The following FBXL7 variants were observed in gnomAD, a reference collection of about 807,000 sequenced individuals.
The protein encoded by FBXL7 is F-box and leucine rich repeat protein 7.
A neutral mutation model predicts 38.3 loss-of-function variants in FBXL7; 12 were observed. The ratio of observed to expected loss-of-function variants is 0.31; its 90% CI spans 0.20 to 0.51. The LOEUF (loss-of-function observed/expected upper bound fraction) is 0.51. FBXL7 is among the 20% of genes least tolerant of loss of function. The probability of loss-of-function intolerance (pLI) is 0.98; values close to 1 mark genes in which losing one functional copy is unlikely to be tolerated. For missense variants in FBXL7, 567 were observed against 676.4 expected (o/e 0.84, Z 1.79); for synonymous variants, 297 against 300.9 (o/e 0.99, Z 0.13).
At chr5:15,901,809 A>G (rs545071399) in intron 2 of FBXL7, among the ~76,000 whole-genome samples, 2 of 152,312 alleles carry the variant, frequency 1.3e-5, no homozygotes, top group East Asian at 3.9e-4. Context: ...AAGAGTTTTA[A>G]TCTGGATATG....
At chr5:15,625,929 T>A (rs1172644237) in intron 2 of FBXL7, among the ~76,000 whole-genome samples, 1 of 151,984 alleles carries the variant, frequency 6.6e-6, no homozygotes, top group East Asian at 1.9e-4. Flanking sequence ...GCTGAAGAAA[T>A]CTCTTAAAAA....
chr5:15,564,647 C>G (rs1430208908), intron 1 of FBXL7, among the ~76,000 whole-genome samples: 1 of 152,038 alleles, frequency 6.6e-6, no homozygotes, highest in Non-Finnish European at 1.5e-5. Flanking sequence ...TATTTAACTG[C>G]TCTGTGATTT....
At chr5:15,585,714 T>G (rs1021782529) in intron 1 of FBXL7, among the ~76,000 whole-genome samples, 1 of 152,258 alleles carries the variant, frequency 6.6e-6, no homozygotes, top group African/African-American at 2.4e-5. Context: ...TAGCTGTGCC[T>G]AATGAATCCT....
At chr5:15,690,787 G>T (rs901447164) in intron 2 of FBXL7, among the ~76,000 whole-genome samples, 1 of 152,190 alleles carries the variant, frequency 6.6e-6, no homozygotes, top group African/African-American at 2.4e-5. Flanking sequence ...CAGAGGCTGG[G>T]AATGTTGTGG....
At chr5:15,577,302 A>C (rs939340111) in intron 1 of FBXL7, among the ~76,000 whole-genome samples, 2 of 152,050 alleles carry the variant, frequency 1.3e-5, no homozygotes, top group Non-Finnish European at 2.9e-5. Context: ...GGTTCTTCAG[A>C]GATTGGCCTC....
At chr5:15,647,714 A>T (rs1440488471) in intron 2 of FBXL7, among the ~76,000 whole-genome samples, 2 of 152,242 alleles carry the variant, frequency 1.3e-5, no homozygotes, top group Non-Finnish European at 2.9e-5. Flanking sequence ...GAGGAAATAG[A>T]GGAGCATTAA....
In FBXL7 at chr5:15,765,195, G is replaced by A. The variant is rs529282390; in HGVS notation, c.127+149123G>A. Among the ~76,000 whole-genome samples, 51 of 152,094 alleles carry A rather than the reference G, an allele frequency of 3.4e-4. 1 individual carries two copies. In the South Asian group the frequency reaches 1.0e-2, roughly 30 times the overall value. ...TATATACGAACAGGCAGTGGCAGCC[G>A]GATTTGACCTGAGAGCTATGATTTG... On this transcript the variant is annotated intron_variant, in intron 2 of 3. Transcript: ENST00000504595.
chr5:15,551,237 T>G (rs1431788249), intron 1 of FBXL7, among the ~76,000 whole-genome samples: 1 of 152,330 alleles, frequency 6.6e-6, no homozygotes, highest in Non-Finnish European at 1.5e-5. Context: ...TACATGTCCC[T>G]TGCTTTCTCA....
intron 2 of FBXL7, among the ~76,000 whole-genome samples, chr5:15,853,359 A>AT (rs1291678380): frequency 5.9e-5 from 9 of 152,068 alleles, no homozygotes; most frequent in Non-Finnish European, 1.2e-4. Context: ...TTGAAGGGGA[A>AT]TTTATGGGAT....
At chr5:15,517,776 A>G (rs1019029982) in intron 1 of FBXL7, among the ~76,000 whole-genome samples, 14 of 152,216 alleles carry the variant, frequency 9.2e-5, no homozygotes, top group Non-Finnish European at 1.8e-4. Flanking sequence ...AAGGACCATC[A>G]TTAATTTAAC....
At chr5:15,920,677 T>C (rs1208190580) in intron 2 of FBXL7, among the ~76,000 whole-genome samples, 1 of 152,024 alleles carries the variant, frequency 6.6e-6, no homozygotes, top group Non-Finnish European at 1.5e-5. Context: ...CCTGCCACCA[T>C]GCCCAGCTAA....
At chr5:15,892,393 T>C (rs918956441) in intron 2 of FBXL7, among the ~76,000 whole-genome samples, 6 of 152,190 alleles carry the variant, frequency 3.9e-5, no homozygotes, top group Non-Finnish European at 8.8e-5. Flanking sequence ...TGGAGAGTTT[T>C]GAGCAGAGGC....
chr5:15,551,489 T>C (rs774338119), intron 1 of FBXL7, among the ~76,000 whole-genome samples: 103 of 152,328 alleles, frequency 6.8e-4, no homozygotes, highest in Middle Eastern at 6.8e-3. Flanking sequence ...TTTTCCTCTT[T>C]CAGACTTGCA....
At chr5:15,760,557 A>G (rs1473384628) in intron 2 of FBXL7, among the ~76,000 whole-genome samples, 1 of 152,092 alleles carries the variant, frequency 6.6e-6, no homozygotes, top group Non-Finnish European at 1.5e-5. Flanking sequence ...TTTACCTAGG[A>G]AATAAACTCT....
At chr5:15,748,444 G>T (rs1730800328) in intron 2 of FBXL7, among the ~76,000 whole-genome samples, 1 of 152,176 alleles carries the variant, frequency 6.6e-6, no homozygotes, top group African/African-American at 2.4e-5. Context: ...AATCATAGGG[G>T]TTTCCCCCAT....
At chr5:15,648,935 T>C (rs1176539931) in intron 2 of FBXL7, among the ~76,000 whole-genome samples, 1 of 152,160 alleles carries the variant, frequency 6.6e-6, no homozygotes, top group African/African-American at 2.4e-5. Context: ...TCTTACACTT[T>C]TAGGAAAATG....
At chr5:15,574,873 C>T (rs1462429820) in intron 1 of FBXL7, among the ~76,000 whole-genome samples, 1 of 152,194 alleles carries the variant, frequency 6.6e-6, no homozygotes, top group Non-Finnish European at 1.5e-5. Flanking sequence ...CTATTGGAAG[C>T]AGGATGGGTC....
intron 1 of FBXL7, 47 bp downstream of exon 1, chr5:15,500,760 C>T (rs1736467485): frequency 1.9e-6 from 3 of 1,590,688 alleles, no homozygotes; most frequent in African/African-American, 1.4e-5. Flanking sequence ...GTCCCTCCTC[C>T]CCTTTCCCTC....
At chr5:15,781,471 TGAG>T (rs1736991576) in intron 2 of FBXL7, among the ~76,000 whole-genome samples, 1 of 150,982 alleles carries the variant, frequency 6.6e-6, no homozygotes. Context: ...GTGTGTGTGT[TGAG>T]TGTGTAGTAT....
Sources: allele counts gnomAD v4.1 joint callset (sites outside exome capture counted in the v4.1 genomes callset), GRCh38; gene constraint gnomAD v4.1.1; transcripts MANE v1.5; gene names NCBI Gene and HGNC (gene_info 2026-07-23, HGNC 2026-07-21).